The following DCC variants were observed in gnomAD, a reference collection of about 807,000 sequenced individuals.
DCC encodes DCC netrin 1 receptor, also known as netrin receptor DCC.
A neutral mutation model predicts 172.5 loss-of-function variants in DCC; 58 were observed. That is an observed-to-expected ratio of 0.34 (90% CI 0.27 to 0.42). The LOEUF is 0.42. Among genes scored for constraint, DCC ranks in the 10% least tolerant of loss-of-function variants. The pLI is 1.00. For missense variants in DCC, 1,740 were observed against 1,791.0 expected (o/e 0.97, Z 0.51); for synonymous variants, 709 against 644.5 (o/e 1.10, Z -1.52).
chr18:53,123,801 G>A (rs934311267), intron 7 of DCC, among the ~76,000 whole-genome samples: 11 of 151,822 alleles, frequency 7.2e-5, no homozygotes, highest in African/African-American at 1.9e-4. Flanking sequence ...GCACTTCAAC[G>A]TGTCACGGTC....
At chr18:53,206,561 T>C (rs1415808190) in intron 10 of DCC, among the ~76,000 whole-genome samples, 2 of 145,166 alleles carry the variant, frequency 1.4e-5, no homozygotes, top group East Asian at 4.0e-4. Context: ...TACATGTATG[T>C]ATTATATAAT....
At chr18:53,042,932 C>A (rs1022237674) in intron 5 of DCC, among the ~76,000 whole-genome samples, 1 of 151,802 alleles carries the variant, frequency 6.6e-6, no homozygotes, top group Non-Finnish European at 1.5e-5. Flanking sequence ...TTAGAAATAC[C>A]ATTTGACCCA....
chr18:53,243,035 G>A (rs1335403254), intron 12 of DCC, among the ~76,000 whole-genome samples: 1 of 152,100 alleles, frequency 6.6e-6, no homozygotes, highest in Admixed American at 6.6e-5. Flanking sequence ...TATGATTCAA[G>A]AAGGAACATT....
intron 1 of DCC, among the ~76,000 whole-genome samples, chr18:52,520,855 G>T (rs1021878186): frequency 6.6e-6 from 1 of 151,992 alleles, no homozygotes; most frequent in Non-Finnish European, 1.5e-5. Context: ...TTTAGTTAGT[G>T]TTCTCATGCA....
intron 12 of DCC, among the ~76,000 whole-genome samples, chr18:53,253,535 T>A (rs562851353): frequency 6.6e-6 from 1 of 152,198 alleles, no homozygotes; most frequent in South Asian, 2.1e-4. Context: ...CCGCCTCAAA[T>A]AATGTATAGA....
intron 12 of DCC, among the ~76,000 whole-genome samples, chr18:53,305,177 A>G (rs1254991817): frequency 1.3e-5 from 2 of 152,180 alleles, no homozygotes; most frequent in African/African-American, 2.4e-5. Flanking sequence ...AGTCTCAAGT[A>G]TGTCTTTAAT....
intron 1 of DCC, among the ~76,000 whole-genome samples, chr18:52,742,300 A>C (rs1410924216): frequency 3.9e-5 from 6 of 152,156 alleles, no homozygotes; most frequent in Non-Finnish European, 8.8e-5. Flanking sequence ...ACCTTCTCCA[A>C]ATCCCACAAC....
intron 2 of DCC, among the ~76,000 whole-genome samples, chr18:52,858,630 A>C (rs182322579): frequency 2.5e-4 from 38 of 152,228 alleles, no homozygotes; most frequent in African/African-American, 8.4e-4. Flanking sequence ...AAACCAAGAG[A>C]GTTTAGAAGC....
At chr18:52,917,207 C>A (rs1197183768) in intron 3 of DCC, among the ~76,000 whole-genome samples, 13 of 150,520 alleles carry the variant, frequency 8.6e-5, no homozygotes, top group African/African-American at 3.2e-4. Flanking sequence ...GTAGTCCCAG[C>A]TATTTGGGAG....
rs2036079102 is a variant in DCC, at chr18:52,699,911, T to C, written c.92-52143T>C. 2.6e-5 allele frequency among the ~76,000 whole-genome samples: 4 copies of C among 152,200 alleles called. No homozygotes were observed. In the South Asian group the frequency reaches 8.3e-4, roughly 32 times the overall value. ...TTAACATGTACAATGGTCTTTAGTA[T>C]ATTCACAGAGTTGTGTTCATTCTGA... On this transcript the variant is annotated intron_variant, in intron 1 of 28. Transcript: ENST00000442544.
intron 12 of DCC, among the ~76,000 whole-genome samples, chr18:53,288,250 A>G (rs2056959233): frequency 1.3e-5 from 2 of 152,148 alleles, no homozygotes; most frequent in African/African-American, 4.8e-5. Context: ...TTTCATTTCT[A>G]GAACATGAAT....
rs969190584 is a variant in DCC, at chr18:53,183,999, A to T, written c.1573+4883A>T. ...GCCACTGGGTCTTGCCTGGCATCTCATTTAAAAAAAAAAAAAAAAAAAACT... is the reference window on the plus strand; with the variant it reads ...GCCACTGGGTCTTGCCTGGCATCTCTTTTAAAAAAAAAAAAAAAAAAAACT... On this transcript the variant is annotated intron_variant, in intron 9 of 28. Coordinates refer to ENST00000442544, the MANE Select transcript of DCC (RefSeq NM_005215.4). Among the ~76,000 whole-genome samples the T allele has an allele frequency of 1.1e-4, 12 of 107,712 alleles. 1 individual carries two copies. In the East Asian group the frequency reaches 2.5e-3, roughly 22 times the overall value. 70.7% of individuals were successfully genotyped at this position (107,712 alleles called of 152,430 possible). A position where few individuals can be genotyped will look rare whatever the true frequency, so the allele number is the denominator to read the frequency against.
intron 7 of DCC, among the ~76,000 whole-genome samples, chr18:53,127,136 GTTT>G (rs11285251): frequency 5.1e-4 from 66 of 129,272 alleles, no homozygotes; most frequent in Middle Eastern, 4.1e-3. Context: ...TTTGATCGTT[GTTT>G]TTTTTTTTTT....
At chr18:52,824,989 G>T (rs2038485017) in intron 2 of DCC, among the ~76,000 whole-genome samples, 2 of 141,996 alleles carry the variant, frequency 1.4e-5, no homozygotes, top group South Asian at 2.7e-4. Flanking sequence ...TATATGTCTT[G>T]ACTAAGACCA....
rs924718884 is a variant in DCC, at chr18:53,410,629, T to C, written c.3113T>C (p.Leu1038Pro). The stretch of plus-strand genomic sequence containing the variant: ...GTGGGGCCACTCTCTGATCCTATCC[T>C]CTTCAGGACTCTGAAAGGTTTGAAT... ...KGVGPLSDPILFRTLKVEHPD... is the reference protein window; with the variant it reads ...KGVGPLSDPIPFRTLKVEHPD... The change falls in exon 20 of 29, where the codon CTC (leucine) becomes CCC (proline). Residue 1038 changes from leucine to proline, a missense_variant. Transcript: ENST00000442544. 2 of 1,593,436 alleles carry C rather than the reference T, an allele frequency of 1.3e-6. No homozygotes were observed. Among genetic ancestry groups the C allele is most frequent in the Non-Finnish European group, 1.7e-6 (2 of 1,160,748 alleles).
chr18:52,515,242 G>A (rs1470644843), intron 1 of DCC, among the ~76,000 whole-genome samples: 1 of 152,060 alleles, frequency 6.6e-6, no homozygotes, highest in Non-Finnish European at 1.5e-5. Context: ...TGTATCCATA[G>A]CCAAAAATAT....
intron 1 of DCC, among the ~76,000 whole-genome samples, chr18:52,747,621 T>C (rs2036925734): frequency 6.6e-6 from 1 of 152,252 alleles, no homozygotes; most frequent in African/African-American, 2.4e-5. Flanking sequence ...TTATTTCTAC[T>C]TCTTGTCTTC....
intron 5 of DCC, among the ~76,000 whole-genome samples, chr18:52,978,608 C>T (rs1169739032): frequency 6.6e-6 from 1 of 152,126 alleles, no homozygotes; most frequent in Non-Finnish European, 1.5e-5. Flanking sequence ...GTGCCAAAGA[C>T]CACACAGTTC....
intron 2 of DCC, among the ~76,000 whole-genome samples, chr18:52,853,988 A>G (rs1030779427): frequency 3.3e-5 from 5 of 152,130 alleles, no homozygotes; most frequent in Admixed American, 3.3e-4. Flanking sequence ...ATCATTAGCC[A>G]CTCAGTTTTT....
Sources: allele counts gnomAD v4.1 joint callset (sites outside exome capture counted in the v4.1 genomes callset), GRCh38; gene constraint gnomAD v4.1.1; transcripts MANE v1.5; gene names NCBI Gene and HGNC (gene_info 2026-07-23, HGNC 2026-07-21).